Variants in TNS3 observed in about 807,000 individuals in gnomAD.
TNS3 encodes tensin-3.
A neutral mutation model predicts 140.9 loss-of-function variants in TNS3; 45 were observed. The observed-to-expected ratio is 0.32, with a 90% CI of 0.25 to 0.41. The LOEUF is 0.41. Among genes scored for constraint, TNS3 ranks in the 10% least tolerant of loss-of-function variants. The pLI, the probability that TNS3 is intolerant of heterozygous loss-of-function variation, is 1.00. For missense variants in TNS3, 1,716 were observed against 1,906.7 expected, an observed-to-expected ratio of 0.90 and a Z score of 1.86; for synonymous variants, 815 against 788.4, an observed-to-expected ratio of 1.03 and a Z score of -0.56.
At chr7:47,380,688 T>C (rs905495049) in intron 16 of TNS3, among the ~76,000 whole-genome samples, 15 of 152,016 alleles carry the variant, frequency 9.9e-5, no homozygotes, top group Non-Finnish European at 2.1e-4. Context: ...TTTCAGGTCT[T>C]TGTAGCATTA....
chr7:47,410,169 G>A (rs1016445849), intron 13 of TNS3, among the ~76,000 whole-genome samples: 17 of 152,166 alleles, frequency 1.1e-4, no homozygotes, highest in Non-Finnish European at 5.9e-5. Flanking sequence ...ACACCAGAGC[G>A]GATGTTTCTC....
At chr7:47,494,516 T>A (rs1444906105) in intron 3 of TNS3, among the ~76,000 whole-genome samples, 1 of 152,216 alleles carries the variant, frequency 6.6e-6, no homozygotes, top group East Asian at 1.9e-4. Flanking sequence ...AGTTGTGAGT[T>A]TGTTATTCTA....
intron 2 of TNS3, among the ~76,000 whole-genome samples, chr7:47,518,669 A>G (rs1256271923): frequency 6.6e-6 from 1 of 152,206 alleles, no homozygotes; most frequent in Non-Finnish European, 1.5e-5. Context: ...CTCTACAAGA[A>G]AGAATATAAA....
chr7:47,277,961 G>C lies in TNS3; in HGVS notation c.*115C>G. ...GCTGGAAGATCCTCTTTCCCCTCAT[G>C]GGCCTGGAATGTCAGGTTTACTAGT... On this transcript the variant is annotated 3_prime_UTR_variant, in exon 31 of 31. Transcript: ENST00000311160. The C allele has an allele frequency of 1.7e-6, 2 of 1,165,270 alleles. No individual in the cohort carries two copies. The highest frequency in any genetic ancestry group is 1.3e-5 in the South Asian group (1 of 77,358). 72.2% of individuals were successfully genotyped at this position (1,165,270 alleles called of 1,614,324 possible). A position where few individuals can be genotyped will look rare whatever the true frequency, so the allele number is the denominator to read the frequency against.
chr7:47,567,030 C>CAAAAAAAAAAAAAAAAAAAAAAAAAAA (rs541987899), intron 1 of TNS3, among the ~76,000 whole-genome samples: 3 of 98,758 alleles, frequency 3.0e-5, no homozygotes, highest in Non-Finnish European at 6.1e-5. Flanking sequence ...GACTCCATCT[C>CAAAAAAAAAAAAAAAAAAAAAAAAAAA]AAAAAAAAAA....
intron 1 of TNS3, among the ~76,000 whole-genome samples, chr7:47,535,159 G>A (rs1174095170): frequency 6.6e-6 from 1 of 152,232 alleles, no homozygotes; most frequent in African/African-American, 2.4e-5. Context: ...CCCAGCGCCT[G>A]GCAGACAGTG....
intron 2 of TNS3, among the ~76,000 whole-genome samples, chr7:47,508,552 C>A (rs1414499403): frequency 6.6e-6 from 1 of 152,202 alleles, no homozygotes; most frequent in African/African-American, 2.4e-5. Flanking sequence ...GAGTGAGAGT[C>A]AGGCAAAGAA....
At chr7:47,304,487 G>T (rs1466007905) in intron 21 of TNS3, among the ~76,000 whole-genome samples, 1 of 152,132 alleles carries the variant, frequency 6.6e-6, no homozygotes, top group Admixed American at 6.5e-5. Context: ...TGTCCTCAGG[G>T]GTAGTATCTT....
chr7:47,525,760 T>C (rs1386026905), intron 2 of TNS3, among the ~76,000 whole-genome samples: 3 of 152,214 alleles, frequency 2.0e-5, no homozygotes, highest in African/African-American at 7.2e-5. Context: ...AACTCAATCA[T>C]GCATGCATGC....
chr7:47,508,550 G>A (rs1400023115), intron 2 of TNS3, among the ~76,000 whole-genome samples: 3 of 152,222 alleles, frequency 2.0e-5, no homozygotes, highest in African/African-American at 7.2e-5. Flanking sequence ...CTGAGTGAGA[G>A]TCAGGCAAAG....
At chr7:47,281,283 TCTC>T (rs1347286093) in intron 28 of TNS3, among the ~76,000 whole-genome samples, 1 of 152,128 alleles carries the variant, frequency 6.6e-6, no homozygotes, top group African/African-American at 2.4e-5. Context: ...CCTGGGGCAT[TCTC>T]CTCCGGCTCA....
Position 47,356,814 on chromosome 7 carries a change from C to T in TNS3, c.2282-10458G>A, listed in dbSNP as rs191149799. Among the ~76,000 whole-genome samples, 53 of 152,150 alleles carry T rather than the reference C, an allele frequency of 3.5e-4. 3 individuals carry two copies. The South Asian group carries it at 9.4e-3, about 27-fold the overall frequency. ...AACAGGGGCCGGGCACAGTGGCTCA[C>T]GCCTGTAATCCCACCACTTTGAGAG... On this transcript the variant is annotated intron_variant, in intron 17 of 30. Coordinates refer to ENST00000311160, the MANE Select transcript of TNS3 (RefSeq NM_022748.12).
intron 4 of TNS3, among the ~76,000 whole-genome samples, chr7:47,454,648 A>G (rs1796171074): frequency 1.3e-5 from 2 of 152,148 alleles, no homozygotes; most frequent in Non-Finnish European, 2.9e-5. Context: ...CACCCTGAGG[A>G]CAGGCCAGTT....
chr7:47,465,952 A>T (rs1796694455), intron 4 of TNS3, among the ~76,000 whole-genome samples: 1 of 150,544 alleles, frequency 6.6e-6, no homozygotes. Context: ...AAATAAATAA[A>T]TAATTTAAAA....
At chr7:47,509,866 T>G (rs1177608390) in intron 2 of TNS3, among the ~76,000 whole-genome samples, 1 of 152,144 alleles carries the variant, frequency 6.6e-6, no homozygotes, top group Non-Finnish European at 1.5e-5. Flanking sequence ...GCTTGTCATA[T>G]CATGATGATC....
intron 4 of TNS3, among the ~76,000 whole-genome samples, chr7:47,455,361 G>A (rs2941528): frequency 0.26 from 39,920 of 152,050 alleles, 5,310 homozygotes; most frequent in African/African-American, 0.29. Context: ...ACCCAGAAGG[G>A]CACAGCAGGG....
At position 47,303,715 on chromosome 7, in the gene TNS3, G is replaced by T; in HGVS notation, c.2823-131C>A. On this transcript the variant is annotated intron_variant, in intron 21 of 30. Coordinates refer to ENST00000311160, the MANE Select transcript of TNS3 (RefSeq NM_022748.12). ...CTGAGGCCCTCCAGGCAGCACAGGA[G>T]GTATTTTCCAAAATATGTACACTAA... The T allele has an allele frequency of 2.7e-6, 3 of 1,123,982 alleles. No homozygotes were observed. The South Asian group carries it at 5.0e-5, about 19-fold the overall frequency. The allele number at this position is 1,123,982 out of a possible 1,614,324, so 69.6% of individuals were successfully genotyped here.
chr7:47,534,091 T>G (rs1373603626), intron 1 of TNS3, among the ~76,000 whole-genome samples: 1 of 152,006 alleles, frequency 6.6e-6, no homozygotes, highest in Non-Finnish European at 1.5e-5. Flanking sequence ...CTGGCCAACA[T>G]GGTGAAACCC....
chr7:47,481,464 A>T (rs929213159), intron 3 of TNS3, among the ~76,000 whole-genome samples: 3 of 152,170 alleles, frequency 2.0e-5, no homozygotes, highest in African/African-American at 7.2e-5. Context: ...GAAACCTCTG[A>T]GTCGGTCCGT....
Sources: gnomAD v4.1 joint callset for allele counts (sites outside exome capture counted in the v4.1 genomes callset) on GRCh38, gnomAD v4.1.1 for gene constraint, MANE v1.5 for transcripts, NCBI Gene and HGNC (gene_info 2026-07-23, HGNC 2026-07-21) for gene names.